The following PEX7 variants were observed in gnomAD, a reference collection of about 807,000 sequenced individuals.
PEX7 encodes PTS2 receptor.
PEX7 carries 34 observed loss-of-function variants against 47.5 expected under a neutral mutation model. That is an observed-to-expected ratio of 0.72 (90% CI 0.54 to 0.95). PEX7 has a LOEUF of 0.95. Ranked by LOEUF, PEX7 falls within the 40% of genes least tolerant of loss-of-function variation. The pLI, the probability that PEX7 is intolerant of heterozygous loss-of-function variation, is 0.00. For missense variants in PEX7, 394 were observed against 400.3 expected, an observed-to-expected ratio of 0.98 and a Z score of 0.13; for synonymous variants, 141 against 148.8, an observed-to-expected ratio of 0.95 and a Z score of 0.38.
At chr6:136,853,721 G>A (rs952478542) in intron 5 of PEX7, among the ~76,000 whole-genome samples, 3 of 152,102 alleles carry the variant, frequency 2.0e-5, no homozygotes, top group African/African-American at 7.2e-5. Flanking sequence ...TTTACAGGGA[G>A]CATGACTGAG....
chr6:136,877,097 G>A (rs546120748), intron 8 of PEX7, among the ~76,000 whole-genome samples: 1 of 152,226 alleles, frequency 6.6e-6, no homozygotes, highest in South Asian at 2.1e-4. Flanking sequence ...TGGTGATGAT[G>A]AGCTTTTTTT....
intron 2 of PEX7, among the ~76,000 whole-genome samples, chr6:136,825,853 A>G (rs1018011328): frequency 1.3e-5 from 2 of 152,036 alleles, no homozygotes; most frequent in Non-Finnish European, 2.9e-5. Flanking sequence ...TTTAATTTTT[A>G]GGCCGTAGTC....
chr6:136,824,740 G>A (rs1459672607), intron 1 of PEX7, among the ~76,000 whole-genome samples: 10 of 152,088 alleles, frequency 6.6e-5, no homozygotes, highest in African/African-American at 2.4e-4. Context: ...AAGTATCTCC[G>A]CATTCATATT....
chr6:136,890,954 C>G (rs1775542978), intron 8 of PEX7, among the ~76,000 whole-genome samples: 1 of 152,176 alleles, frequency 6.6e-6, no homozygotes, highest in South Asian at 2.1e-4. Flanking sequence ...GAGTAGAGTT[C>G]TTCCAGTTTT....
At chr6:136,824,309 T>A (rs1774148646) in intron 1 of PEX7, among the ~76,000 whole-genome samples, 1 of 152,170 alleles carries the variant, frequency 6.6e-6, no homozygotes, top group Non-Finnish European at 1.5e-5. Flanking sequence ...CATATGATCC[T>A]CCTGTCTCAA....
chr6:136,913,801 G>C lies in PEX7; in HGVS notation c.*275G>C. On this transcript the variant is annotated 3_prime_UTR_variant, in exon 10 of 10. Transcript: ENST00000318471. ...TAAAATGTCTCTGGGTCATAAAATG[G>C]ATTAAAATATGGGAGATCAGTAGGT... 1 of 381,050 alleles carries C rather than the reference G, an allele frequency of 2.6e-6. No individual in the cohort carries two copies. Among genetic ancestry groups the C allele is most frequent in the East Asian group, 5.1e-5 (1 of 19,678 alleles). The allele number at this position is 381,050 out of a possible 1,614,324, so 23.6% of individuals were successfully genotyped here. A position where few individuals can be genotyped will look rare whatever the true frequency, so the allele number is the denominator to read the frequency against.
At chr6:136,853,357 T>G (rs1392331151) in intron 5 of PEX7, among the ~76,000 whole-genome samples, 1 of 152,144 alleles carries the variant, frequency 6.6e-6, no homozygotes, top group Non-Finnish European at 1.5e-5. Flanking sequence ...GTTGGCTGTT[T>G]AGTAGAGAAC....
intron 5 of PEX7, among the ~76,000 whole-genome samples, chr6:136,861,126 C>G (rs1774955406): frequency 6.6e-6 from 1 of 151,910 alleles, no homozygotes. Context: ...GCTCTATCAC[C>G]CAGGCTGGAG....
intron 3 of PEX7, chr6:136,830,010 G>A: frequency 7.0e-6 from 5 of 711,160 alleles, no homozygotes; most frequent in Non-Finnish European, 1.3e-5. Context: ...CCACCAGTAT[G>A]TTCAGGGAAG....
At chr6:136,869,835 C>A in intron 6 of PEX7, 55 bp from the exon 7 acceptor site, 2 of 1,251,422 alleles carry the variant, frequency 1.6e-6, no homozygotes, top group South Asian at 2.4e-5. Flanking sequence ...GGAAAGCCTG[C>A]ATACTGTTTA....
intron 3 of PEX7, among the ~76,000 whole-genome samples, chr6:136,827,502 ATT>A (rs1491406317): frequency 2.0e-5 from 2 of 100,616 alleles, no homozygotes; most frequent in African/African-American, 7.2e-5. Flanking sequence ...ACCTGTGTGA[ATT>A]TGTGTGTGTG....
At chr6:136,835,600 T>C (rs1209647194) in intron 3 of PEX7, among the ~76,000 whole-genome samples, 2 of 152,176 alleles carry the variant, frequency 1.3e-5, no homozygotes, top group South Asian at 4.1e-4. Flanking sequence ...AGCTTTAAAA[T>C]ATCTTCATGC....
chr6:136,911,957 T>C (rs1267663475), intron 9 of PEX7, among the ~76,000 whole-genome samples: 1 of 152,222 alleles, frequency 6.6e-6, no homozygotes, highest in East Asian at 1.9e-4. Context: ...CATTTGGTGT[T>C]GTCAATCTTT....
In PEX7 at chr6:136,825,242, A is replaced by G. The variant is rs767077870; in HGVS notation, c.159A>G (p.Pro53=). 4.3e-6 allele frequency: 7 copies of G among 1,613,846 alleles called. No homozygotes were observed. The African/African-American group carries it at 9.3e-5, about 22-fold the overall frequency. The stretch of plus-strand genomic sequence containing the variant: ...GTGGAACCCTACTAATATTGGATCC[A>G]GATGAAGCTGGGCTAAGGCTTTTTA... ...AGCGTLLILD[P]DEAGLRLFRS... The change falls in exon 2 of 10, where the codon CCA becomes CCG. Residue 53 remains proline (P), a synonymous_variant. Coordinates refer to ENST00000318471, the MANE Select transcript of PEX7 (RefSeq NM_000288.4).
intron 5 of PEX7, among the ~76,000 whole-genome samples, chr6:136,857,575 A>G (rs1272536934): frequency 6.6e-6 from 1 of 152,176 alleles, no homozygotes; most frequent in African/African-American, 2.4e-5. Context: ...CTTTAAGGAG[A>G]GGTAATATAG....
intron 3 of PEX7, among the ~76,000 whole-genome samples, chr6:136,835,259 A>G (rs1036122229): frequency 1.3e-5 from 2 of 150,188 alleles, no homozygotes; most frequent in African/African-American, 4.9e-5. Context: ...GCAGCAGATT[A>G]GCATCACTTT....
intron 5 of PEX7, among the ~76,000 whole-genome samples, chr6:136,847,825 T>C (rs963334922): frequency 9.2e-5 from 14 of 152,136 alleles, no homozygotes; most frequent in Non-Finnish European, 1.9e-4. Flanking sequence ...CTTGGCAATG[T>C]GGGCTCTTTT....
chr6:136,893,066 T>C (rs1775584614), intron 8 of PEX7, among the ~76,000 whole-genome samples: 1 of 152,180 alleles, frequency 6.6e-6, no homozygotes, highest in African/African-American at 2.4e-5. Context: ...GGGACCCCTC[T>C]TCACTATCTT....
At chr6:136,848,307 C>G (rs561620637) in intron 5 of PEX7, among the ~76,000 whole-genome samples, 1 of 152,168 alleles carries the variant, frequency 6.6e-6, no homozygotes, top group Non-Finnish European at 1.5e-5. Context: ...ATTTGACTTC[C>G]TCTTTTCCTA....
Sources: gnomAD v4.1 joint callset for allele counts (sites outside exome capture counted in the v4.1 genomes callset) on GRCh38, gnomAD v4.1.1 for gene constraint, MANE v1.5 for transcripts, NCBI Gene and HGNC (gene_info 2026-07-23, HGNC 2026-07-21) for gene names.